The following AKNAD1 variants were observed in gnomAD, a reference collection of about 807,000 sequenced individuals.
AKNAD1 encodes AKNA domain containing 1, also known as protein AKNAD1.
Under a neutral mutation model 90.8 loss-of-function variants are expected in AKNAD1, and 67 were observed. That is an observed-to-expected ratio of 0.74 (90% CI 0.61 to 0.90). AKNAD1 has a LOEUF of 0.90. Ranked by LOEUF, AKNAD1 falls within the 40% of genes least tolerant of loss-of-function variation. AKNAD1 has a pLI of 0.00. For missense variants in AKNAD1, 957 were observed against 975.4 expected (o/e 0.98, Z 0.25); for synonymous variants, 327 against 341.4 (o/e 0.96, Z 0.46).
intron 9 of AKNAD1, among the ~76,000 whole-genome samples, chr1:108,832,117 C>A (rs1664219069): frequency 6.6e-6 from 1 of 151,786 alleles, no homozygotes; most frequent in Non-Finnish European, 1.5e-5. Flanking sequence ...TGATCTGAGG[C>A]CTGGCGGATT....
chr1:108,836,343 A>G (rs185904919), intron 7 of AKNAD1, among the ~76,000 whole-genome samples: 46 of 152,318 alleles, frequency 3.0e-4, no homozygotes, highest in African/African-American at 1.1e-3. Flanking sequence ...GGCTTCCTCT[A>G]TGAAGCATCG....
intron 1 of AKNAD1, among the ~76,000 whole-genome samples, chr1:108,853,208 T>G (rs994820938): frequency 8.0e-5 from 12 of 149,546 alleles, no homozygotes; most frequent in African/African-American, 2.7e-4. Flanking sequence ...CTCGGCTCAC[T>G]GCAAGCTCCA....
At chr1:108,828,509 C>G (rs533801011) in intron 10 of AKNAD1, among the ~76,000 whole-genome samples, 7 of 151,850 alleles carry the variant, frequency 4.6e-5, no homozygotes, top group African/African-American at 1.7e-4. Flanking sequence ...GCACTGTGCC[C>G]GAGATATCCT....
chr1:108,852,832 A>G lies in AKNAD1; in HGVS notation c.-103-65T>C. ...GAATAATGTATACAACTATGCCAGAACAAAGTGGATGTTTTTTTAATTTGA... is the reference window on the plus strand; with the variant it reads ...GAATAATGTATACAACTATGCCAGAGCAAAGTGGATGTTTTTTTAATTTGA... On this transcript the variant is annotated intron_variant, in intron 1 of 15. Transcript: ENST00000370001. The G allele has an allele frequency of 5.6e-6, 3 of 535,226 alleles. No individual in the cohort carries two copies. The Admixed American group carries it at 1.2e-4, about 21-fold the overall frequency. 33.2% of individuals were successfully genotyped at this position (535,226 alleles called of 1,614,324 possible). A position where few individuals can be genotyped will look rare whatever the true frequency, so the allele number is the denominator to read the frequency against.
chr1:108,852,046 T>A lies in AKNAD1; in HGVS notation c.619A>T (p.Ser207Cys), dbSNP rs756060192. The change falls in exon 2 of 16, where the codon AGC (serine) becomes TGC (cysteine). Residue 207 changes from serine to cysteine, a missense_variant. By Grantham distance (112) the Ser-to-Cys change is moderately radical. Transcript: ENST00000370001. The part of the protein sequence containing the change: ...LEGPVAAGDS[S>C]HQENVNVLTK... ...AGAACATTCACATTTTCTTGATGGC[T>A]GCTATCTCCAGCAGCCACTGGCCCT... 2.5e-6 allele frequency: 4 copies of A among 1,614,104 alleles called. No individual in the cohort carries two copies. The East Asian group carries it at 6.7e-5, about 27-fold the overall frequency.
chr1:108,848,997 C>A lies in AKNAD1; in HGVS notation c.1097G>T (p.Ser366Ile). 1 of 1,611,492 alleles carries A rather than the reference C, an allele frequency of 6.2e-7. No individual in the cohort carries two copies. The highest frequency in any genetic ancestry group is 8.5e-7 in the Non-Finnish European group (1 of 1,179,402). The change falls in exon 4 of 16, where the codon AGT (serine) becomes ATT (isoleucine). Residue 366 changes from serine (S) to isoleucine (I), a missense_variant. Ser to Ile is a moderately radical substitution (Grantham distance 142). Transcript: ENST00000370001. ...SPTSQKGTSS[S>I]SSYIFQKISQ... ...TATCTTTTGAAATATGTAAGAAGAA[C>A]TTGAGGAAGTGCCTTTCTGAGAGGT...
chr1:108,835,435 ATAT>A (rs1159591364), intron 7 of AKNAD1, among the ~76,000 whole-genome samples: 2 of 152,112 alleles, frequency 1.3e-5, no homozygotes, highest in Non-Finnish European at 2.9e-5. Context: ...TGTGAGGCAA[ATAT>A]TATTATCTGC....
intron 9 of AKNAD1, 23 bp from the exon 10 acceptor site, chr1:108,830,673 G>A: frequency 1.2e-6 from 2 of 1,612,240 alleles, no homozygotes; most frequent in Non-Finnish European, 1.7e-6. Context: ...GCACACAGAT[G>A]GAGATGTGAT....
Position 108,852,396 on chromosome 1 carries a change from T to C in AKNAD1, c.269A>G (p.Gln90Arg). ...AANKKDEKEK[Q>R]CTAALHIPAN... ...TGGAATATGAAGAGCTGCAGTGCAT[T>C]GTTTCTCTTTCTCGTCTTTTTTGTT... Residue 90 changes from glutamine to arginine, a missense_variant, in exon 2 of 16, where the codon CAA becomes CGA. Transcript: ENST00000370001. 1 of 1,614,004 alleles carries C rather than the reference T, an allele frequency of 6.2e-7. No individual in the cohort carries two copies. Among genetic ancestry groups the C allele is most frequent in the Non-Finnish European group, 8.5e-7 (1 of 1,179,976 alleles).
chr1:108,839,524 A>G (rs1176317018), intron 6 of AKNAD1, among the ~76,000 whole-genome samples: 1 of 151,860 alleles, frequency 6.6e-6, no homozygotes, highest in Non-Finnish European at 1.5e-5. Context: ...GTTCAACGTT[A>G]GTATATTTAT....
chr1:108,846,543 C>T (rs1302147201), intron 5 of AKNAD1, among the ~76,000 whole-genome samples: 1 of 152,126 alleles, frequency 6.6e-6, no homozygotes, highest in African/African-American at 2.4e-5. Context: ...ATCTTGATTG[C>T]CAAATCCAAT....
At position 108,825,873 on chromosome 1, in the gene AKNAD1, A is replaced by G. The variant is rs184780343; in HGVS notation, c.1936+1332T>C. On this transcript the variant is annotated intron_variant, in intron 11 of 15. Transcript: ENST00000370001. ...ATAGCAGTTTTTAATGAAAATAACT[A>G]TTTCTAAAAAATTTAGTGAGAAGAG... Among the ~76,000 whole-genome samples, 201 of 151,960 alleles carry G rather than the reference A, an allele frequency of 1.3e-3. 2 individuals carry two copies. Among genetic ancestry groups the G allele is most frequent in the African/African-American group, 4.6e-3 (190 of 41,554 alleles).
intron 9 of AKNAD1, among the ~76,000 whole-genome samples, chr1:108,830,908 TTTCCACCCTGGCTTGC>T (rs1225932685): frequency 1.3e-5 from 2 of 152,148 alleles, no homozygotes; most frequent in African/African-American, 4.8e-5. Flanking sequence ...AGAATGGAAG[TTTCCACCCTGGCTTGC>T]TTCCTTCCTC....
chr1:108,843,419 G>T, intron 5 of AKNAD1, 152 bp from the exon 6 acceptor site: 1 of 944,252 alleles, frequency 1.1e-6, no homozygotes, highest in Non-Finnish European at 1.5e-6. Flanking sequence ...CTCAGAGTCT[G>T]ACATCTAAAC....
chr1:108,827,658 C>CA (rs1477854631), intron 10 of AKNAD1, among the ~76,000 whole-genome samples: 1 of 150,688 alleles, frequency 6.6e-6, no homozygotes, highest in Non-Finnish European at 1.5e-5. Context: ...ACTAAAAGTA[C>CA]AAAAAATTAG....
chr1:108,853,943 G>A (rs116141654), intron 1 of AKNAD1, among the ~76,000 whole-genome samples: 1 of 150,248 alleles, frequency 6.7e-6, no homozygotes, highest in Non-Finnish European at 1.5e-5. Context: ...CTCAAAAAAA[G>A]AAAAAAAAAG....
In AKNAD1 at chr1:108,823,454, G is replaced by A. The variant is rs757232751; in HGVS notation, c.2083C>T (p.Pro695Ser). 4.3e-6 allele frequency: 7 copies of A among 1,614,084 alleles called. No homozygotes were observed. Among genetic ancestry groups the A allele is most frequent in the African/African-American group, 2.7e-5 (2 of 75,038 alleles). The change falls in exon 13 of 16, where the codon CCA becomes TCA. Residue 695 changes from proline (P) to serine (S), a missense_variant. Transcript: ENST00000370001. Reference protein sequence around the residue: ...TKEFHYRYNTPGQNYSNHSKR... With the variant: ...TKEFHYRYNTSGQNYSNHSKR... ...CTATGATTTGAGTAATTCTGTCCTGGAGTGTTGTATCTATAATGAAATTCT... is the reference window on the plus strand; with the variant it reads ...CTATGATTTGAGTAATTCTGTCCTGAAGTGTTGTATCTATAATGAAATTCT...
intron 15 of AKNAD1, among the ~76,000 whole-genome samples, chr1:108,816,604 C>T (rs1663615415): frequency 6.6e-6 from 1 of 152,122 alleles, no homozygotes; most frequent in Non-Finnish European, 1.5e-5. Flanking sequence ...AAGAACAGCT[C>T]TTAGAGGCCA....
chr1:108,839,474 A>AAAAAAAAAG (rs1664473979), intron 6 of AKNAD1, among the ~76,000 whole-genome samples: 2 of 151,584 alleles, frequency 1.3e-5, no homozygotes, highest in African/African-American at 2.4e-5. Flanking sequence ...GTCTCAATAA[A>AAAAAAAAAG]AAAAAAAAGA....
Sources: allele counts gnomAD v4.1 joint callset (sites outside exome capture counted in the v4.1 genomes callset), GRCh38; gene constraint gnomAD v4.1.1; transcripts MANE v1.5; gene names NCBI Gene and HGNC (gene_info 2026-07-23, HGNC 2026-07-21).